The following IGFBP7 variants were observed in gnomAD, a reference collection of about 807,000 sequenced individuals.
IGFBP7 encodes insulin-like growth factor-binding protein 7.
In IGFBP7, 31 loss-of-function variants were observed where a neutral mutation model predicts 29.4. That is an observed-to-expected ratio of 1.05 (90% CI 0.79 to 1.42). IGFBP7 has a LOEUF of 1.42. Ranked by LOEUF, IGFBP7 falls within the 40% of genes most tolerant of loss-of-function variation. IGFBP7 has a pLI of 0.00. For missense variants in IGFBP7, 393 were observed against 395.5 expected (o/e 0.99, Z 0.05); for synonymous variants, 172 against 174.9 (o/e 0.98, Z 0.13).
chr4:57,104,864 AT>A (rs1430981569), intron 1 of IGFBP7, among the ~76,000 whole-genome samples: 7 of 152,246 alleles, frequency 4.6e-5, no homozygotes, highest in African/African-American at 1.7e-4. Flanking sequence ...AAGGCAGAAG[AT>A]GCCAGGAGGA....
At chr4:57,061,413 C>T (rs1724797629) in intron 1 of IGFBP7, among the ~76,000 whole-genome samples, 1 of 152,072 alleles carries the variant, frequency 6.6e-6, no homozygotes, top group Admixed American at 6.6e-5. Flanking sequence ...AATAGAACAA[C>T]TATAACAATA....
intron 1 of IGFBP7, among the ~76,000 whole-genome samples, chr4:57,057,847 C>T (rs1724710847): frequency 6.6e-6 from 1 of 152,206 alleles, no homozygotes; most frequent in African/African-American, 2.4e-5. Flanking sequence ...CCAGGTTTAC[C>T]TAGTCCTTGG....
intron 1 of IGFBP7, among the ~76,000 whole-genome samples, chr4:57,061,103 G>GA (rs1724789940): frequency 6.6e-6 from 1 of 151,902 alleles, no homozygotes. Flanking sequence ...CTAAATTCAT[G>GA]AAAGAGGAAA....
intron 1 of IGFBP7, among the ~76,000 whole-genome samples, chr4:57,044,361 T>C (rs11573104): frequency 0.24 from 36,205 of 152,162 alleles, 5,098 homozygotes; most frequent in African/African-American, 0.39. Context: ...AGTTTTAGTA[T>C]AGTCCAATTT....
chr4:57,109,942 C>G lies in IGFBP7; in HGVS notation c.410G>C (p.Ser137Thr). The change falls in exon 1 of 5, where the codon AGC becomes ACC. Residue 137 changes from serine (S) to threonine (T), a missense_variant. Ser to Thr is a moderately conservative substitution (Grantham distance 58). Transcript: ENST00000295666. The part of the protein sequence containing the change: ...YPSGCQLRAA[S>T]QRAESRGEKA... ...CTCCCCGCGGCTCTCGGCCCTCTGG[C>G]TGGCGGCGCGCAGCTGGCAGCCGCT... 6.4e-7 allele frequency: 1 copy of G among 1,556,256 alleles called. No homozygotes were observed. The highest frequency in any genetic ancestry group is 8.6e-7 in the Non-Finnish European group (1 of 1,157,480).
At chr4:57,045,856 G>A (rs1724345971) in intron 1 of IGFBP7, among the ~76,000 whole-genome samples, 2 of 151,678 alleles carry the variant, frequency 1.3e-5, no homozygotes, top group Admixed American at 1.3e-4. Context: ...CTCCCAAGTA[G>A]CTGGAATTAC....
At chr4:57,063,664 T>C (rs913088466) in intron 1 of IGFBP7, among the ~76,000 whole-genome samples, 1 of 152,218 alleles carries the variant, frequency 6.6e-6, no homozygotes, top group South Asian at 2.1e-4. Context: ...GTTTAGCATT[T>C]GGAAAAGATT....
chr4:57,099,099 C>G (rs1000565187), intron 1 of IGFBP7, among the ~76,000 whole-genome samples: 1 of 152,166 alleles, frequency 6.6e-6, no homozygotes, highest in African/African-American at 2.4e-5. Flanking sequence ...CACTTGAACA[C>G]TTGCACACTA....
At chr4:57,103,456 C>T (rs892171367) in intron 1 of IGFBP7, among the ~76,000 whole-genome samples, 4 of 152,154 alleles carry the variant, frequency 2.6e-5, no homozygotes, top group Middle Eastern at 6.8e-3. Context: ...CTGGTTATCT[C>T]CTTTCTCTTA....
intron 1 of IGFBP7, among the ~76,000 whole-genome samples, chr4:57,057,435 A>T (rs1724701940): frequency 6.6e-6 from 1 of 152,244 alleles, no homozygotes; most frequent in African/African-American, 2.4e-5. Flanking sequence ...CATTTCTTCT[A>T]GAGCAACCAT....
chr4:57,078,182 T>C (rs1725274664), intron 1 of IGFBP7, among the ~76,000 whole-genome samples: 1 of 152,050 alleles, frequency 6.6e-6, no homozygotes, highest in Non-Finnish European at 1.5e-5. Flanking sequence ...CACTGACTGC[T>C]CACTATGGGC....
chr4:57,090,877 G>A (rs1182860053), intron 1 of IGFBP7, among the ~76,000 whole-genome samples: 1 of 152,026 alleles, frequency 6.6e-6, no homozygotes, highest in African/African-American at 2.4e-5. Context: ...ACATGTGAGA[G>A]CAACAGTTTA....
chr4:57,107,887 T>C (rs938950541), intron 1 of IGFBP7, among the ~76,000 whole-genome samples: 2 of 152,222 alleles, frequency 1.3e-5, no homozygotes, highest in Non-Finnish European at 2.9e-5. Flanking sequence ...TGTTTGGTGA[T>C]GTAAGTAGCA....
At chr4:57,093,723 A>G (rs1725692579) in intron 1 of IGFBP7, among the ~76,000 whole-genome samples, 1 of 151,954 alleles carries the variant, frequency 6.6e-6, no homozygotes, top group Non-Finnish European at 1.5e-5. Context: ...AATCTTTAAG[A>G]TTCTTTTGGA....
intron 1 of IGFBP7, chr4:57,072,865 C>T (rs1013822328): frequency 3.1e-6 from 2 of 642,428 alleles, no homozygotes; most frequent in African/African-American, 3.6e-5. Context: ...GCTACCCTTA[C>T]AATGTACCCA....
intron 1 of IGFBP7, among the ~76,000 whole-genome samples, chr4:57,046,629 G>A (rs1347483422): frequency 6.6e-6 from 1 of 152,154 alleles, no homozygotes; most frequent in African/African-American, 2.4e-5. Flanking sequence ...CATCAGGATA[G>A]GTCCAATTAT....
At chr4:57,106,304 G>A (rs1281375503) in intron 1 of IGFBP7, among the ~76,000 whole-genome samples, 1 of 152,140 alleles carries the variant, frequency 6.6e-6, no homozygotes, top group Non-Finnish European at 1.5e-5. Flanking sequence ...TCACACATGT[G>A]TATGAACACT....
chr4:57,037,742 A>C (rs1724117598), intron 2 of IGFBP7, among the ~76,000 whole-genome samples: 1 of 152,212 alleles, frequency 6.6e-6, no homozygotes, highest in African/African-American at 2.4e-5. Context: ...CAATAAGGTC[A>C]CATGCCCCAG....
chr4:57,080,745 C>T (rs148206497), intron 1 of IGFBP7, among the ~76,000 whole-genome samples: 2 of 152,296 alleles, frequency 1.3e-5, no homozygotes, highest in East Asian at 3.9e-4. Flanking sequence ...GAATACTAGT[C>T]TTACTCACTC....
Sources: gnomAD v4.1 joint callset for allele counts (sites outside exome capture counted in the v4.1 genomes callset) on GRCh38, gnomAD v4.1.1 for gene constraint, MANE v1.5 for transcripts, NCBI Gene and HGNC (gene_info 2026-07-23, HGNC 2026-07-21) for gene names.